Variants in SCN1A observed in about 807,000 individuals in gnomAD.
SCN1A encodes the protein sodium voltage-gated channel alpha subunit 1.
Under a neutral mutation model 193.7 loss-of-function variants are expected in SCN1A, and 13 were observed. The observed-to-expected ratio is 0.07, with a 90% CI of 0.04 to 0.11. The LOEUF (loss-of-function observed/expected upper bound fraction) is 0.11, where lower values mean the gene tolerates loss of function less well. SCN1A is among the 10% of genes least tolerant of loss of function. SCN1A has a pLI of 1.00. For missense variants in SCN1A, 1,432 were observed against 2,451.1 expected, an observed-to-expected ratio of 0.58 and a Z score of 8.78; for synonymous variants, 781 against 843.6, an observed-to-expected ratio of 0.93 and a Z score of 1.29.
At chr2:166,037,227 T>C (rs958758120) in intron 18 of SCN1A, among the ~76,000 whole-genome samples, 1 of 152,226 alleles carries the variant, frequency 6.6e-6, no homozygotes, top group African/African-American at 2.4e-5. Flanking sequence ...ATTCGAGAAC[T>C]GATGAACTCA....
chr2:166,033,636 T>C (rs932175804), intron 19 of SCN1A, among the ~76,000 whole-genome samples: 5 of 152,184 alleles, frequency 3.3e-5, no homozygotes, highest in African/African-American at 1.2e-4. Context: ...TTTCAATTAA[T>C]GCAATGTTCC....
chr2:166,075,693 TA>T (rs938223251), intron 3 of SCN1A, among the ~76,000 whole-genome samples: 1 of 152,046 alleles, frequency 6.6e-6, no homozygotes, highest in African/African-American at 2.4e-5. Context: ...AATTAATTTT[TA>T]AAGGTAGACT....
Position 166,147,942 on chromosome 2 carries a change from C to G in SCN1A, c.-50+1105G>C, listed in dbSNP as rs566016330. On this transcript the variant is annotated intron_variant, in intron 1 of 26. Coordinates refer to the SCN1A transcript ENST00000635750. ...AGATACTTTAAAACTACCTGTTTAC[C>G]TAGAAAGTATGTGCTAAGTAACCTG... 9.9e-5 allele frequency among the ~76,000 whole-genome samples: 15 copies of G among 152,154 alleles called. No homozygotes were observed. In the East Asian group the frequency reaches 2.9e-3, roughly 29 times the overall value.
chr2:166,123,858 G>T (rs540473028), intron 2 of SCN1A, among the ~76,000 whole-genome samples: 1 of 152,066 alleles, frequency 6.6e-6, no homozygotes, highest in East Asian at 1.9e-4. Flanking sequence ...CACCTCTATG[G>T]TGCTATTTCT....
chr2:166,028,451 A>C (rs1695101563), intron 19 of SCN1A, among the ~76,000 whole-genome samples: 1 of 152,142 alleles, frequency 6.6e-6, no homozygotes, highest in South Asian at 2.1e-4. Flanking sequence ...TGGGCAAATA[A>C]ACTGTATATC....
At chr2:166,048,311 C>T (rs989261160) in intron 10 of SCN1A, among the ~76,000 whole-genome samples, 3 of 151,654 alleles carry the variant, frequency 2.0e-5, no homozygotes, top group African/African-American at 7.3e-5. Flanking sequence ...AGGTATTAAG[C>T]CTAGTACCCA....
rs768129301 is a variant in SCN1A, at chr2:166,041,476, T to C, written c.2177-7A>G. The C allele has an allele frequency of 1.6e-6, 2 of 1,233,502 alleles. No individual in the cohort carries two copies. Among genetic ancestry groups the C allele is most frequent in the South Asian group, 1.4e-5 (1 of 70,058 alleles). 76.4% of individuals were successfully genotyped at this position (1,233,502 alleles called of 1,614,324 possible). ...TGCCTGGATTCTTCAAGTTCTAGAT[T>C]AAGAAAAAAAAAAAAAAGAACCACC... On this transcript the variant is annotated splice_region_variant and splice_polypyrimidine_tract_variant and intron_variant, in intron 15 of 28. Coordinates refer to ENST00000674923, the MANE Select transcript of SCN1A (RefSeq NM_001165963.4).
chr2:165,992,522 A>G lies in SCN1A; in HGVS notation c.4853-100T>C. 1 of 1,134,944 alleles carries G rather than the reference A, an allele frequency of 8.8e-7. No individual in the cohort carries two copies. Among genetic ancestry groups the G allele is most frequent in the Admixed American group, 1.9e-5 (1 of 52,288 alleles). The allele number at this position is 1,134,944 out of a possible 1,614,324, so 70.3% of individuals were successfully genotyped here. A position where few individuals can be genotyped will look rare whatever the true frequency, so the allele number is the denominator to read the frequency against. On this transcript the variant is annotated intron_variant, in intron 28 of 28. Coordinates refer to ENST00000674923, the MANE Select transcript of SCN1A (RefSeq NM_001165963.4). This position sits in a 1 kb window ranked among gnomAD's most constrained non-coding sequence, Gnocchi z 6.5. ...TCCAAGGTAAGGTTCAGAGTCCTGA[A>G]CCCAGTTATATTAAATATGACAACT...
intron 2 of SCN1A, among the ~76,000 whole-genome samples, chr2:166,099,142 C>A (rs1416707902): frequency 6.6e-6 from 1 of 152,134 alleles, no homozygotes. Flanking sequence ...ATAGTACTGG[C>A]ACAAAAACAG....
chr2:166,078,351 A>C (rs1258578201), intron 2 of SCN1A, among the ~76,000 whole-genome samples: 1 of 149,674 alleles, frequency 6.7e-6, no homozygotes, highest in African/African-American at 2.5e-5. Flanking sequence ...TTGTTAATTT[A>C]GGGAAAAAAT....
At position 166,020,986 on chromosome 2, in the gene SCN1A, ATGTT is replaced by A. The variant is rs530167630; in HGVS notation, c.3430-5263_3430-5260del. 1.4e-4 allele frequency among the ~76,000 whole-genome samples: 22 copies of A among 152,336 alleles called. No individual in the cohort carries two copies. The East Asian group carries it at 4.2e-3, about 29-fold the overall frequency. ...TTTTGTAAATAAATGGAGCAGTTGA[ATGTT>A]TGGGATCCAGAGAAGTGTATACATC... On this transcript the variant is annotated intron_variant, in intron 19 of 28. Coordinates refer to ENST00000674923, the MANE Select transcript of SCN1A (RefSeq NM_001165963.4).
chr2:166,096,840 A>G (rs1447375641), intron 2 of SCN1A, among the ~76,000 whole-genome samples: 2 of 152,126 alleles, frequency 1.3e-5, no homozygotes, highest in South Asian at 2.1e-4. Flanking sequence ...AAATTTGAAG[A>G]TACTGAGTTA....
chr2:166,084,264 G>C (rs1685855418), intron 2 of SCN1A, among the ~76,000 whole-genome samples: 1 of 118,582 alleles, frequency 8.4e-6, no homozygotes, highest in Admixed American at 1.1e-4. Context: ...TTCCGTTGCT[G>C]TCCTCTCCCC....
Position 166,098,224 on chromosome 2 carries a change from T to A in SCN1A, c.-141-20423A>T, listed in dbSNP as rs542540158. 1.5e-3 allele frequency among the ~76,000 whole-genome samples: 223 copies of A among 152,206 alleles called. 1 individual carries two copies. Among genetic ancestry groups the A allele is most frequent in the African/African-American group, 5.2e-3 (216 of 41,534 alleles). ...GCAAGGTTGGTTCAACATATACATA[T>A]CAATAGATGTGATTCATCACATAAA... On this transcript the variant is annotated intron_variant, in intron 2 of 28. Transcript: ENST00000674923.
intron 17 of SCN1A, among the ~76,000 whole-genome samples, 172 bp from the exon 18 acceptor site, chr2:166,038,304 A>G (rs1696714499): frequency 6.6e-6 from 1 of 152,038 alleles, no homozygotes; most frequent in Non-Finnish European, 1.5e-5. Context: ...TGGATTTTCC[A>G]TATTTTAACC....
chr2:166,146,839 A>G (rs886407269), intron 1 of SCN1A, among the ~76,000 whole-genome samples: 3 of 152,240 alleles, frequency 2.0e-5, no homozygotes, highest in African/African-American at 7.2e-5. Context: ...TTATGGACAT[A>G]TTTAGACTTA....
intron 2 of SCN1A, among the ~76,000 whole-genome samples, chr2:166,124,810 C>G (rs1274911537): frequency 6.6e-6 from 1 of 152,168 alleles, no homozygotes; most frequent in Non-Finnish European, 1.5e-5. Flanking sequence ...ACTGTATAAC[C>G]CAGCAAGTTA....
chr2:166,065,796 T>TTTTTAG (rs1401235257), intron 4 of SCN1A, among the ~76,000 whole-genome samples: 1 of 152,168 alleles, frequency 6.6e-6, no homozygotes, highest in African/African-American at 2.4e-5. Flanking sequence ...AATAGGTACC[T>TTTTTAG]GCCAGTTTTA....
intron 15 of SCN1A, 52 bp from the exon 16 acceptor site, chr2:166,041,521 C>T (rs1697194033): frequency 8.7e-7 from 1 of 1,155,236 alleles, no homozygotes; most frequent in Middle Eastern, 2.4e-4. Context: ...ACTTTATACA[C>T]ACACATTTAT....
Sources: allele counts gnomAD v4.1 joint callset (sites outside exome capture counted in the v4.1 genomes callset), GRCh38; gene constraint gnomAD v4.1.1; non-coding constraint Gnocchi (gnomAD v3.1); transcripts MANE v1.5; gene names NCBI Gene and HGNC (gene_info 2026-07-23, HGNC 2026-07-21).